MGAT4C: variants seen among roughly 807,000 people sequenced by gnomAD.
MGAT4C encodes alpha-1,3-mannosyl-glycoprotein 4-beta-N-acetylglucosaminyltransferase C.
Under a neutral mutation model 40.1 loss-of-function variants are expected in MGAT4C, and 19 were observed. The ratio of observed to expected loss-of-function variants is 0.47; its 90% CI spans 0.33 to 0.70. MGAT4C has a LOEUF of 0.70. Ranked by LOEUF, MGAT4C falls within the 30% of genes least tolerant of loss-of-function variation. The pLI, the probability that MGAT4C is intolerant of heterozygous loss-of-function variation, is 0.02. For missense variants in MGAT4C, 491 were observed against 563.2 expected (o/e 0.87, Z 1.30); for synonymous variants, 181 against 187.1 (o/e 0.97, Z 0.27).
chr12:86,282,358 A>T (rs1566256173), intron 4 of MGAT4C, among the ~76,000 whole-genome samples: 1 of 152,058 alleles, frequency 6.6e-6, no homozygotes, highest in Admixed American at 6.6e-5. Flanking sequence ...CTGTTGTTAA[A>T]CCTAATCCAA....
At chr12:86,130,286 T>TA (rs10650827) in intron 1 of MGAT4C, among the ~76,000 whole-genome samples, 4 of 151,470 alleles carry the variant, frequency 2.6e-5, no homozygotes, top group African/African-American at 9.7e-5. Flanking sequence ...ATCACAAAAA[T>TA]GAAAATACCC....
At position 86,491,879 on chromosome 12, in the gene MGAT4C, C is replaced by T. The variant is rs374276490; in HGVS notation, c.-228-56614G>A. On this transcript the variant is annotated intron_variant, in intron 2 of 7. Coordinates refer to the MGAT4C transcript ENST00000548651. ...TTGTCCCTGTTTGCAGACGACATGACTGTATATCTAGAAAACCCCACTGTC... is the reference window on the plus strand; with the variant it reads ...TTGTCCCTGTTTGCAGACGACATGATTGTATATCTAGAAAACCCCACTGTC... Among the ~76,000 whole-genome samples, 455 of 152,056 alleles carry T rather than the reference C, an allele frequency of 3.0e-3. 1 individual carries two copies. Among genetic ancestry groups the T allele is most frequent in the African/African-American group, 0.011 (436 of 41,428 alleles).
chr12:86,213,276 A>G (rs1480739368), intron 1 of MGAT4C, among the ~76,000 whole-genome samples: 2 of 152,312 alleles, frequency 1.3e-5, no homozygotes, highest in South Asian at 2.1e-4. Flanking sequence ...TCCAAAAGTG[A>G]ATCTGAGACC....
intron 1 of MGAT4C, among the ~76,000 whole-genome samples, chr12:86,833,049 G>T (rs558301386): frequency 6.6e-6 from 1 of 151,880 alleles, no homozygotes; most frequent in Non-Finnish European, 1.5e-5. Context: ...ATTGGTAGAA[G>T]AAATTGGTCT....
intron 2 of MGAT4C, among the ~76,000 whole-genome samples, chr12:86,588,439 C>T (rs1249420621): frequency 6.6e-6 from 1 of 151,982 alleles, no homozygotes; most frequent in African/African-American, 2.4e-5. Context: ...CTTAGACTAA[C>T]ACACATTAAT....
chr12:86,289,752 C>T (rs1035949519), intron 4 of MGAT4C, among the ~76,000 whole-genome samples: 3 of 151,992 alleles, frequency 2.0e-5, no homozygotes, highest in Non-Finnish European at 4.4e-5. Context: ...TGTACACTGG[C>T]TTTGTATCCT....
intron 2 of MGAT4C, among the ~76,000 whole-genome samples, chr12:86,485,357 G>A (rs1958002256): frequency 6.6e-6 from 1 of 152,070 alleles, no homozygotes; most frequent in Non-Finnish European, 1.5e-5. Context: ...TGATCTAAGA[G>A]CTGAGGAAAA....
intron 2 of MGAT4C, among the ~76,000 whole-genome samples, chr12:86,608,995 T>A (rs558424470): frequency 1.0e-3 from 152 of 151,798 alleles, no homozygotes; most frequent in African/African-American, 3.5e-3. Flanking sequence ...GCATAGAGAA[T>A]AAAAAAATAA....
At chr12:86,058,806 A>T (rs1893650310) in intron 1 of MGAT4C, among the ~76,000 whole-genome samples, 1 of 152,056 alleles carries the variant, frequency 6.6e-6, no homozygotes, top group Non-Finnish European at 1.5e-5. Flanking sequence ...TTATTATTTT[A>T]TTTATCTTTT....
At position 86,191,751 on chromosome 12, in the gene MGAT4C, G is replaced by GGTGTGTGTGTGTGTGTGTGTGT. The variant is rs570173863; in HGVS notation, c.-57+64466_-57+64487dup. Among the ~76,000 whole-genome samples the GGTGTGTGTGTGTGTGTGTGTGT allele has an allele frequency of 2.6e-3, 252 of 98,562 alleles. 5 individuals are homozygous for GGTGTGTGTGTGTGTGTGTGTGT. Among genetic ancestry groups the GGTGTGTGTGTGTGTGTGTGTGT allele is most frequent in the South Asian group, 0.015 (23 of 1,586 alleles). The allele number at this position is 98,562 out of a possible 152,430, so 64.7% of individuals were successfully genotyped here. ...GGTTAAGTTTGCTACAGGAGATAAA[G>GGTGTGTGTGTGTGTGTGTGTGT]GTGTGTGTGTGTGTGTGTGTGTGTG... On this transcript the variant is annotated intron_variant, in intron 1 of 4. Coordinates refer to ENST00000611864, the MANE Select transcript of MGAT4C (RefSeq NM_001351288.2).
intron 4 of MGAT4C, among the ~76,000 whole-genome samples, chr12:86,316,632 A>T (rs1954240430): frequency 6.6e-6 from 1 of 152,186 alleles, no homozygotes; most frequent in Non-Finnish European, 1.5e-5. Context: ...AAAACAAAAA[A>T]ACAAGTTATA....
intron 3 of MGAT4C, among the ~76,000 whole-genome samples, chr12:86,401,502 C>T (rs1956362737): frequency 6.6e-6 from 1 of 152,040 alleles, no homozygotes; most frequent in African/African-American, 2.4e-5. Flanking sequence ...GGCAATAATT[C>T]ATTTTAAATT....
intron 3 of MGAT4C, among the ~76,000 whole-genome samples, chr12:86,351,256 T>C (rs1034584967): frequency 2.6e-5 from 4 of 152,020 alleles, no homozygotes; most frequent in Non-Finnish European, 4.4e-5. Context: ...TAAGACATTT[T>C]GTTTAATAAT....
intron 4 of MGAT4C, among the ~76,000 whole-genome samples, chr12:86,327,630 A>G (rs1405020301): frequency 6.6e-6 from 1 of 152,166 alleles, no homozygotes. Context: ...AAGAAAATAA[A>G]ATTTCAAAAT....
chr12:86,013,667 A>T, intron 2 of MGAT4C: 1 of 891,346 alleles, frequency 1.1e-6, no homozygotes, highest in Non-Finnish European at 1.3e-6. Context: ...CGTACCATTT[A>T]ATACTGGTCC....
At chr12:86,200,127 G>GTTTTT (rs56844963) in intron 1 of MGAT4C, among the ~76,000 whole-genome samples, 417 of 102,126 alleles carry the variant, frequency 4.1e-3, no homozygotes, top group African/African-American at 0.011. Context: ...GTATGTATTT[G>GTTTTT]TTTTTTTTTT....
intron 2 of MGAT4C, among the ~76,000 whole-genome samples, chr12:85,998,612 T>C (rs766861868): frequency 6.6e-6 from 1 of 152,102 alleles, no homozygotes; most frequent in Non-Finnish European, 1.5e-5. Context: ...GTTCCATAAA[T>C]CTCTAAGGCA....
intron 1 of MGAT4C, among the ~76,000 whole-genome samples, chr12:86,142,260 CAG>C (rs899733102): frequency 3.3e-5 from 5 of 152,128 alleles, no homozygotes; most frequent in African/African-American, 4.8e-5. Flanking sequence ...AGGCCACACA[CAG>C]AGAGATGAAA....
chr12:86,182,750 C>G (rs968703815), intron 1 of MGAT4C, among the ~76,000 whole-genome samples: 1 of 152,118 alleles, frequency 6.6e-6, no homozygotes. Flanking sequence ...TAGAGTATAT[C>G]AAACAGTGCA....
Sources: gnomAD v4.1 joint callset for allele counts (sites outside exome capture counted in the v4.1 genomes callset) on GRCh38, gnomAD v4.1.1 for gene constraint, MANE v1.5 for transcripts, NCBI Gene and HGNC (gene_info 2026-07-23, HGNC 2026-07-21) for gene names.